DPP10: variants seen among roughly 807,000 people sequenced by gnomAD.
DPP10 encodes dipeptidyl peptidase like 10.
Under a neutral mutation model 120.9 loss-of-function variants are expected in DPP10, and 33 were observed. The observed-to-expected ratio is 0.27, with a 90% CI of 0.21 to 0.37. The LOEUF (loss-of-function observed/expected upper bound fraction) is 0.37, where lower values mean the gene tolerates loss of function less well. DPP10 is among the 10% of genes least tolerant of loss of function. The probability of loss-of-function intolerance (pLI) is 1.00; values close to 1 mark genes in which losing one functional copy is unlikely to be tolerated. For synonymous variants in DPP10, 337 were observed against 326.1 expected, an observed-to-expected ratio of 1.03 and a Z score of -0.36; for missense variants, 816 against 942.8, an observed-to-expected ratio of 0.87 and a Z score of 1.76.
intron 1 of DPP10, among the ~76,000 whole-genome samples, chr2:115,148,564 C>A (rs1219568424): frequency 6.6e-6 from 1 of 152,128 alleles, no homozygotes; most frequent in Non-Finnish European, 1.5e-5. Flanking sequence ...AGAGGTTTAT[C>A]ATCACTTTAA....
At position 114,890,737 on chromosome 2, in the gene DPP10, A is replaced by C. The variant is rs1368582477; in HGVS notation, c.61-418502A>C. Among the ~76,000 whole-genome samples, 5 of 152,344 alleles carry C rather than the reference A, an allele frequency of 3.3e-5. No homozygotes were observed. In the South Asian group the frequency reaches 6.2e-4, roughly 19 times the overall value. On this transcript the variant is annotated intron_variant, in intron 1 of 25. Transcript: ENST00000410059. ...CTTAGAGCCAAGTGAGGCTCTAATA[A>C]CTTCGAAATGGCGATATCTTCATCT...
intron 1 of DPP10, among the ~76,000 whole-genome samples, chr2:114,875,905 G>C (rs1176684598): frequency 6.6e-6 from 1 of 152,074 alleles, no homozygotes; most frequent in Non-Finnish European, 1.5e-5. Context: ...CAGCAGCACT[G>C]TATGTTTAGT....
chr2:115,147,142 CTATACTATA>C (rs898200883), intron 1 of DPP10, among the ~76,000 whole-genome samples: 1 of 151,056 alleles, frequency 6.6e-6, no homozygotes, highest in Non-Finnish European at 1.5e-5. Context: ...GCATATTTTA[CTATACTATA>C]TATACTATAT....
intron 1 of DPP10, among the ~76,000 whole-genome samples, chr2:114,767,185 C>A (rs1574139729): frequency 9.7e-6 from 1 of 102,710 alleles, no homozygotes; most frequent in Non-Finnish European, 1.9e-5. Flanking sequence ...GTTAGACAGC[C>A]AATGCTCAGG....
At chr2:115,171,251 C>T (rs923204850) in intron 1 of DPP10, among the ~76,000 whole-genome samples, 2 of 151,470 alleles carry the variant, frequency 1.3e-5, no homozygotes, top group African/African-American at 4.9e-5. Context: ...ATCCTAGCGA[C>T]TCAGGAGGCT....
At chr2:114,612,798 A>T (rs1006199424) in intron 1 of DPP10, among the ~76,000 whole-genome samples, 3 of 152,232 alleles carry the variant, frequency 2.0e-5, no homozygotes, top group Admixed American at 6.6e-5. Context: ...TTATCTGTTT[A>T]CATGAAAATC....
At chr2:114,671,406 T>C (rs1698332448) in intron 1 of DPP10, among the ~76,000 whole-genome samples, 1 of 152,126 alleles carries the variant, frequency 6.6e-6, no homozygotes, top group Non-Finnish European at 1.5e-5. Flanking sequence ...ATCTCCGATG[T>C]TGGAGGTGAG....
chr2:114,690,259 A>G (rs1005819969), intron 1 of DPP10, among the ~76,000 whole-genome samples: 1 of 151,936 alleles, frequency 6.6e-6, no homozygotes, highest in Non-Finnish European at 1.5e-5. Flanking sequence ...TAATTTTTGT[A>G]TTCTGTGTAA....
At position 115,842,327 on chromosome 2, in the gene DPP10, A is replaced by G; in HGVS notation, c.2373A>G (p.Glu791=). 1 of 1,613,896 alleles carries G rather than the reference A, an allele frequency of 6.2e-7. No homozygotes were observed. Among genetic ancestry groups the G allele is most frequent in the South Asian group, 1.1e-5 (1 of 91,082 alleles). ...AAGAAATATCTGTGCTACCACAGGA[A>G]CCAGAAGAAGATGAATAATGGACTG... ...LKEEISVLPQ[E]PEEDE Residue 791 remains glutamate (E), a synonymous_variant, in exon 26 of 26, where the codon GAA becomes GAG. Transcript: ENST00000410059.
At chr2:114,995,447 T>A (rs1701019129) in intron 1 of DPP10, among the ~76,000 whole-genome samples, 1 of 151,946 alleles carries the variant, frequency 6.6e-6, no homozygotes, top group African/African-American at 2.4e-5. Context: ...GAGTGCTGTA[T>A]CTTATTTCTA....
At chr2:115,470,019 A>G (rs554068043) in intron 3 of DPP10, among the ~76,000 whole-genome samples, 70 of 152,250 alleles carry the variant, frequency 4.6e-4, no homozygotes, top group African/African-American at 1.6e-3. Flanking sequence ...ATCTTGTTTT[A>G]AGATGAAGAA....
intron 3 of DPP10, among the ~76,000 whole-genome samples, chr2:115,347,350 T>C (rs2063758978): frequency 6.6e-6 from 1 of 152,076 alleles, no homozygotes; most frequent in Non-Finnish European, 1.5e-5. Context: ...CCCCCGGAAA[T>C]AGGGTCTTAT....
At chr2:114,623,099 C>T (rs529157766) in intron 1 of DPP10, among the ~76,000 whole-genome samples, 1 of 152,074 alleles carries the variant, frequency 6.6e-6, no homozygotes, top group East Asian at 1.9e-4. Flanking sequence ...CAGTAGAGCC[C>T]AAATCCCTTG....
chr2:114,773,002 C>G (rs1681405624), intron 1 of DPP10, among the ~76,000 whole-genome samples: 1 of 152,122 alleles, frequency 6.6e-6, no homozygotes. Flanking sequence ...GAGAGTAGGT[C>G]ACTTCAATTC....
At chr2:115,547,765 CAAAAA>C (rs566808076) in intron 5 of DPP10, among the ~76,000 whole-genome samples, 1 of 71,850 alleles carries the variant, frequency 1.4e-5, no homozygotes. Flanking sequence ...ATCCTATCTC[CAAAAA>C]AAAAAAAAAA....
chr2:114,589,843 T>C (rs895908929), intron 1 of DPP10, among the ~76,000 whole-genome samples: 1 of 152,050 alleles, frequency 6.6e-6, no homozygotes, highest in African/African-American at 2.4e-5. Flanking sequence ...TCTTGGTGGT[T>C]GCAGAGGCCC....
chr2:115,522,812 G>A (rs138923319), intron 4 of DPP10, among the ~76,000 whole-genome samples: 644 of 152,154 alleles, frequency 4.2e-3, no homozygotes, highest in African/African-American at 0.014. Context: ...TACTGTAATA[G>A]CATTATTGGC....
At chr2:114,455,535 ACT>A (rs1174360312) in intron 1 of DPP10, among the ~76,000 whole-genome samples, 1 of 145,752 alleles carries the variant, frequency 6.9e-6, no homozygotes, top group Non-Finnish European at 1.5e-5. Context: ...ACAGTTCAAG[ACT>A]CTGTCTCAAA....
chr2:115,110,388 A>C (rs2049156171), intron 1 of DPP10, among the ~76,000 whole-genome samples: 1 of 152,208 alleles, frequency 6.6e-6, no homozygotes, highest in Non-Finnish European at 1.5e-5. Context: ...GGAGATGAAA[A>C]TAAATGAATT....
Sources: allele counts gnomAD v4.1 joint callset (sites outside exome capture counted in the v4.1 genomes callset), GRCh38; gene constraint gnomAD v4.1.1; transcripts MANE v1.5; gene names NCBI Gene and HGNC (gene_info 2026-07-23, HGNC 2026-07-21).